THOC1: variants seen among roughly 807,000 people sequenced by gnomAD.
The protein encoded by THOC1 is THO complex subunit 1.
In THOC1, 29 loss-of-function variants were observed where a neutral mutation model predicts 97.3. The observed-to-expected ratio is 0.30, with a 90% CI of 0.22 to 0.41. THOC1 has a LOEUF of 0.41. Ranked by LOEUF, THOC1 falls within the 10% of genes least tolerant of loss-of-function variation. THOC1 has a pLI of 1.00. For missense variants in THOC1, 529 were observed against 761.9 expected, an observed-to-expected ratio of 0.69 and a Z score of 3.60; for synonymous variants, 255 against 257.0, an observed-to-expected ratio of 0.99 and a Z score of 0.07.
intron 16 of THOC1, 145 bp downstream of exon 16, chr18:223,938 AG>A (rs1361878850): frequency 1.6e-6 from 1 of 626,556 alleles, no homozygotes. Flanking sequence ...CACAATGGGC[AG>A]TATAGACAGT....
At chr18:241,442 C>A (rs114498154) in intron 11 of THOC1, among the ~76,000 whole-genome samples, 1 of 152,110 alleles carries the variant, frequency 6.6e-6, no homozygotes, top group Non-Finnish European at 1.5e-5. Flanking sequence ...ATGCAGAGAC[C>A]AAGCAAAATT....
At chr18:257,856 G>A (rs184644033) in intron 7 of THOC1, among the ~76,000 whole-genome samples, 4 of 152,106 alleles carry the variant, frequency 2.6e-5, no homozygotes, top group Admixed American at 2.0e-4. Context: ...AAATATATAA[G>A]GAGTAAAAAA....
chr18:223,153 C>T (rs1400331859), intron 17 of THOC1, among the ~76,000 whole-genome samples: 1 of 152,150 alleles, frequency 6.6e-6, no homozygotes, highest in African/African-American at 2.4e-5. Flanking sequence ...GTTCTCAAAG[C>T]TGGCAATCAT....
chr18:226,756 T>C lies in THOC1; in HGVS notation c.1019+45A>G. ...AAAATCGTAAGCAAGTCCTTTTTTT[T>C]CTTGGCTACTGTTTACAAATTGTTT... is the stretch of plus-strand genomic sequence containing the variant. On this transcript the variant is annotated intron_variant, in intron 12 of 20. Transcript: ENST00000261600. 2 of 1,446,944 alleles carry C rather than the reference T, an allele frequency of 1.4e-6. 1 individual carries two copies. Among genetic ancestry groups the C allele is most frequent in the South Asian group, 2.5e-5 (2 of 80,288 alleles). The allele number at this position is 1,446,944 out of a possible 1,614,324, so 89.6% of individuals were successfully genotyped here. A position where few individuals can be genotyped will look rare whatever the true frequency, so the allele number is the denominator to read the frequency against.
At chr18:216,747 TC>T in intron 18 of THOC1, 114 bp from the exon 19 acceptor site, 1 of 1,333,028 alleles carries the variant, frequency 7.5e-7, no homozygotes, top group Non-Finnish European at 9.8e-7. Context: ...AAAGTGCCAT[TC>T]TTTGTATTTG....
At chr18:225,507 A>G (rs1911249812) in intron 12 of THOC1, 104 bp from the exon 13 acceptor site, 2 of 886,956 alleles carry the variant, frequency 2.3e-6, no homozygotes, top group African/African-American at 1.7e-5. Flanking sequence ...TACTGTGGAT[A>G]GTGTCAAAAA....
intron 1 of THOC1, among the ~76,000 whole-genome samples, chr18:265,806 TAC>T (rs1474872712): frequency 7.0e-6 from 1 of 143,820 alleles, no homozygotes; most frequent in Non-Finnish European, 1.6e-5. Flanking sequence ...GTATTGTGCT[TAC>T]AAAAAAAAAA....
In THOC1 at chr18:217,673, ACCTTCTCATTTGGATAGTGGTAAGTGCCG is replaced by A. The variant is rs567723089; in HGVS notation, c.1455-1069_1455-1041del. ...GAGAAATGAGAAAGTGGTAAGTGCC[ACCTTCTCATTTGGATAGTGGTAAGTGCCG>A]TGAAATAAAAACCACGAGAATGCAA... On this transcript the variant is annotated intron_variant, in intron 18 of 20. Transcript: ENST00000261600. Among the ~76,000 whole-genome samples, 540 of 152,302 alleles carry A rather than the reference ACCTTCTCATTTGGATAGTGGTAAGTGCCG, an allele frequency of 3.5e-3. 1 individual carries two copies. Among genetic ancestry groups the A allele is most frequent in the African/African-American group, 0.012 (503 of 41,560 alleles).
chr18:246,361 T>C lies in THOC1; in HGVS notation c.881A>G (p.Glu294Gly), dbSNP rs986317244. The change falls in exon 11 of 21, where the codon GAA (glutamate) becomes GGA (glycine). Residue 294 changes from glutamate (E) to glycine (G), a missense_variant. Transcript: ENST00000261600. ...TAAAAATTTTGCAAAATATACATGT[T>C]CTCCTCCTGTTTTCAATTCTTCCAT... is the stretch of plus-strand genomic sequence containing the variant. ...KKMEELKTGGEHVYFAKFLTS... is the reference protein window; with the variant it reads ...KKMEELKTGGGHVYFAKFLTS... The C allele has an allele frequency of 1.9e-6, 3 of 1,600,010 alleles. No homozygotes were observed. In the African/African-American group the frequency reaches 4.0e-5, roughly 21 times the overall value.
Position 265,442 on chromosome 18 carries a change from AT to A in THOC1, c.128+14del. ...AGATTGAGGCAAGTATTTTTCATAG[AT>A]ATCAATGCCTTACCTGCCAGGTACC... On this transcript the variant is annotated intron_variant, in intron 2 of 20. Transcript: ENST00000261600. 1.3e-6 allele frequency: 2 copies of A among 1,589,594 alleles called. No homozygotes were observed. Among genetic ancestry groups the A allele is most frequent in the Non-Finnish European group, 1.7e-6 (2 of 1,169,084 alleles).
chr18:256,964 C>T (rs1439411224), intron 7 of THOC1, among the ~76,000 whole-genome samples: 1 of 152,182 alleles, frequency 6.6e-6, no homozygotes, highest in Non-Finnish European at 1.5e-5. Flanking sequence ...CCCCCACCAG[C>T]AAAAAGATGA....
At chr18:236,405 G>T (rs1911691756) in intron 11 of THOC1, among the ~76,000 whole-genome samples, 1 of 144,928 alleles carries the variant, frequency 6.9e-6, no homozygotes, top group Non-Finnish European at 1.5e-5. Context: ...GCCCAGGCGG[G>T]AGTGCAGTGG....
At chr18:240,654 CT>C (rs1393864436) in intron 11 of THOC1, among the ~76,000 whole-genome samples, 1 of 152,150 alleles carries the variant, frequency 6.6e-6, no homozygotes, top group Non-Finnish European at 1.5e-5. Context: ...GATCCCCAAC[CT>C]TTTTGGCACC....
intron 3 of THOC1, chr18:264,856 T>C (rs1912713585): frequency 6.5e-6 from 1 of 153,776 alleles, no homozygotes; most frequent in Non-Finnish European, 1.4e-5. Context: ...TGGTTAGACT[T>C]CTCTACCGAA....
chr18:247,966 A>G lies in THOC1; in HGVS notation c.678-9T>C, dbSNP rs774757319. ...AATCAATTGGAATAGAGCTAATAAA[A>G]TAAACGTTATATTAAATAAATCATT... is the stretch of plus-strand genomic sequence containing the variant. On this transcript the variant is annotated splice_polypyrimidine_tract_variant and intron_variant, in intron 9 of 20. Transcript: ENST00000261600. 1.3e-5 allele frequency: 18 copies of G among 1,407,638 alleles called. No homozygotes were observed. Among genetic ancestry groups the G allele is most frequent in the Non-Finnish European group, 1.8e-5 (18 of 1,022,102 alleles). 87.2% of individuals were successfully genotyped at this position (1,407,638 alleles called of 1,614,324 possible).
chr18:224,147 C>T lies in THOC1; in HGVS notation c.1241G>A (p.Arg414Gln), dbSNP rs377169666. 6 of 1,610,838 alleles carry T rather than the reference C, an allele frequency of 3.7e-6. No homozygotes were observed. The highest frequency in any genetic ancestry group is 5.1e-6 in the Non-Finnish European group (6 of 1,178,456). Residue 414 changes from arginine to glutamine, a missense_variant, in exon 16 of 21, where the codon CGG becomes CAG. Physicochemically the swap from Arg to Gln is conservative, Grantham distance 43 (BLOSUM62 1). Transcript: ENST00000261600. ...TSDTKPTRII[R>Q]KRTAPEDFLG... Reference sequence around the variant, plus strand: ...GAAGTCCTCGGGTGCTGTTCTCTTCCGAATTATTCTCGTAGGTTTGGTATC... The same window carrying T: ...GAAGTCCTCGGGTGCTGTTCTCTTCTGAATTATTCTCGTAGGTTTGGTATC...
rs181411924 is a variant in THOC1 at position 258,108 on chromosome 18, C to T, written c.520+1072G>A. The stretch of plus-strand genomic sequence containing the variant: ...ACCAAAGGAGAAAAAAAATCTTAAG[C>T]GCAGAGAAAAAAATGTAGATTATCT... On this transcript the variant is annotated intron_variant, in intron 7 of 20. Transcript: ENST00000261600. Among the ~76,000 whole-genome samples, 15 of 151,922 alleles carry T rather than the reference C, an allele frequency of 9.9e-5. No homozygotes were observed. In the East Asian group the frequency reaches 1.5e-3, roughly 16 times the overall value.
chr18:246,635 T>A (rs1912097762), intron 10 of THOC1, among the ~76,000 whole-genome samples, 180 bp from the exon 11 acceptor site: 1 of 152,128 alleles, frequency 6.6e-6, no homozygotes. Context: ...TTTTGTATGA[T>A]ATTTCACTTG....
intron 18 of THOC1, 149 bp downstream of exon 18, chr18:218,737 T>C: frequency 1.6e-6 from 1 of 629,928 alleles, no homozygotes; most frequent in Non-Finnish European, 2.8e-6. Context: ...GGATGTGTAC[T>C]AACAAGAACT....
Sources: allele counts gnomAD v4.1 joint callset (sites outside exome capture counted in the v4.1 genomes callset), GRCh38; gene constraint gnomAD v4.1.1; transcripts MANE v1.5; gene names NCBI Gene and HGNC (gene_info 2026-07-23, HGNC 2026-07-21).